The following MATR3 variants were observed in gnomAD, a reference collection of about 807,000 sequenced individuals.
MATR3 encodes matrin-3.
Under a neutral mutation model 85.5 loss-of-function variants are expected in MATR3, and 4 were observed. That is an observed-to-expected ratio of 0.05 (90% CI 0.02 to 0.11). The LOEUF is 0.11. Ranked by LOEUF, MATR3 falls within the 10% of genes least tolerant of loss-of-function variation. The pLI, the probability that MATR3 is intolerant of heterozygous loss-of-function variation, is 1.00. For synonymous variants in MATR3, 336 were observed against 343.1 expected (o/e 0.98, Z 0.23); for missense variants, 685 against 1,016.1 (o/e 0.67, Z 4.43).
intron 14 of MATR3, 105 bp from the exon 15 acceptor site, chr5:139,329,240 G>GT: frequency 1.2e-6 from 1 of 813,602 alleles, no homozygotes; most frequent in East Asian, 2.5e-5. Context: ...CAAAATTATA[G>GT]TTTAAGTCCC....
chr5:139,278,737 C>CT (rs1487891068), intron 2 of MATR3: 6 of 494,472 alleles, frequency 1.2e-5, no homozygotes, highest in Non-Finnish European at 2.1e-5. Context: ...CCTGGAGTGC[C>CT]TAGGTATCTG....
At chr5:139,327,482 C>T (rs769367213) in intron 14 of MATR3, among the ~76,000 whole-genome samples, 30 of 152,066 alleles carry the variant, frequency 2.0e-4, no homozygotes, top group Non-Finnish European at 3.2e-4. Context: ...AGTGCAATGG[C>T]GCGATTTTGG....
intron 14 of MATR3, among the ~76,000 whole-genome samples, chr5:139,328,179 A>T (rs973901760): frequency 2.3e-3 from 320 of 137,788 alleles, no homozygotes; most frequent in African/African-American, 7.4e-3. Context: ...TCCTTTTATT[A>T]AAAAAAAAAA....
At chr5:139,320,715 ACACTATTTT>A (rs1205342939) in intron 9 of MATR3, among the ~76,000 whole-genome samples, 3 of 148,652 alleles carry the variant, frequency 2.0e-5, no homozygotes, top group Non-Finnish European at 3.0e-5. Flanking sequence ...TATTTTTCTT[ACACTATTTT>A]AATATCTTAA....
At chr5:139,279,187 T>G in intron 3 of MATR3, 1 of 452,872 alleles carries the variant, frequency 2.2e-6, no homozygotes, top group Non-Finnish European at 4.4e-6. Context: ...CAGATGGGGG[T>G]AGGGGACTTA....
chr5:139,275,136 C>T (rs1425068258), intron 1 of MATR3, among the ~76,000 whole-genome samples: 1 of 131,616 alleles, frequency 7.6e-6, no homozygotes, highest in East Asian at 2.2e-4. Flanking sequence ...CCACCACGCC[C>T]GGCTAATTTT....
chr5:139,315,389 T>C (rs1755191238), intron 3 of MATR3: 1 of 321,610 alleles, frequency 3.1e-6, no homozygotes, highest in Non-Finnish European at 5.9e-6. Flanking sequence ...CTTGTTTCTA[T>C]GTAACCCACA....
At chr5:139,317,751 T>A in intron 7 of MATR3, 30 bp downstream of exon 7, 1 of 1,517,592 alleles carries the variant, frequency 6.6e-7, no homozygotes, top group Non-Finnish European at 9.1e-7. Flanking sequence ...TATTATTCAT[T>A]TATTCATGCC....
In MATR3 at chr5:139,326,144, T is replaced by C. The variant is rs1253820526; in HGVS notation, c.2372-19T>C. 2.5e-6 allele frequency: 4 copies of C among 1,571,892 alleles called. No homozygotes were observed. Among genetic ancestry groups the C allele is most frequent in the South Asian group, 1.1e-5 (1 of 89,750 alleles). ...AAATCTTCAGTTTAATTTGTAAGAA[T>C]GTATGTTTGTATTTCTAGGTATAGA... On this transcript the variant is annotated intron_variant, in intron 13 of 14. Transcript: ENST00000394805.
intron 1 of MATR3, among the ~76,000 whole-genome samples, chr5:139,304,242 C>T (rs1754597677): frequency 6.6e-6 from 1 of 152,084 alleles, no homozygotes; most frequent in African/African-American, 2.4e-5. Context: ...CGTGGTGGCT[C>T]ATGCCTATAT....
chr5:139,317,562 CTTAATTGCT>C (rs1165634166), intron 6 of MATR3, 25 bp from the exon 7 acceptor site: 1 of 1,609,854 alleles, frequency 6.2e-7, no homozygotes, highest in East Asian at 2.2e-5. Flanking sequence ...TTTAAAGAGA[CTTAATTGCT>C]TGGTTTTTTT....
intron 3 of MATR3, among the ~76,000 whole-genome samples, chr5:139,285,484 G>T (rs1343965879): frequency 6.6e-6 from 1 of 152,120 alleles, no homozygotes. Flanking sequence ...GCCAGAATAA[G>T]AATTTCAAGA....
At chr5:139,294,038 C>G in intron 1 of MATR3, 4 of 1,275,836 alleles carry the variant, frequency 3.1e-6, no homozygotes, top group Non-Finnish European at 4.0e-6. Flanking sequence ...GGTGAGCGGT[C>G]CGGGAGGGAA....
chr5:139,306,399 G>T (rs1265186606), intron 1 of MATR3, among the ~76,000 whole-genome samples: 1 of 152,098 alleles, frequency 6.6e-6, no homozygotes, highest in Non-Finnish European at 1.5e-5. Flanking sequence ...ATGTGCTGTA[G>T]CCCTGAGCAT....
intron 1 of MATR3, among the ~76,000 whole-genome samples, chr5:139,299,663 A>AG (rs1235909292): frequency 6.6e-6 from 1 of 152,208 alleles, no homozygotes; most frequent in African/African-American, 2.4e-5. Context: ...GTCTTGAAAA[A>AG]GGAAATCGTA....
In MATR3 at chr5:139,317,634, A is replaced by C; in HGVS notation, c.1221A>C (p.Arg407=). The C allele has an allele frequency of 6.2e-7, 1 of 1,611,906 alleles. No individual in the cohort carries two copies. Among genetic ancestry groups the C allele is most frequent in the Non-Finnish European group, 8.5e-7 (1 of 1,179,836 alleles). ...SRVVHIMDFQ[R]GKNLRYQLLQ... is the part of the protein sequence containing the mutation. ...TTGTTCACATCATGGATTTTCAACG[A>C]GGGAAAAACTTGAGATACCAGCTAT... is the stretch of plus-strand genomic sequence containing the variant. Residue 407 remains arginine, a synonymous_variant, in exon 7 of 15, where the codon CGA becomes CGC. Coordinates refer to ENST00000394805, the MANE Select transcript of MATR3 (RefSeq NM_018834.6).
At chr5:139,279,820 G>A (rs1753449042) in intron 3 of MATR3, 1 of 152,242 alleles carries the variant, frequency 6.6e-6, no homozygotes, top group Admixed American at 6.5e-5. Context: ...GAATTTTAGA[G>A]AATTCTTAGG....
chr5:139,275,078 C>T (rs1462914839), intron 1 of MATR3, among the ~76,000 whole-genome samples: 1 of 151,022 alleles, frequency 6.6e-6, no homozygotes, highest in Non-Finnish European at 1.5e-5. Context: ...TGGGTTCATG[C>T]CATTCTCCTG....
At position 139,307,656 on chromosome 5, in the gene MATR3, C is replaced by T. The variant is rs1468627549; in HGVS notation, c.241C>T (p.His81Tyr). Residue 81 changes from histidine to tyrosine, a missense_variant, in exon 2 of 15, where the codon CAT becomes TAT. Physicochemically the swap from His to Tyr is moderately conservative, Grantham distance 83. Around this residue, in one of 9 missense-constraint regions of MATR3, gnomAD observed 57 missense variants for 68.6 expected, o/e 0.83. Coordinates refer to ENST00000394805, the MANE Select transcript of MATR3 (RefSeq NM_018834.6). This position sits in a 1 kb window ranked among gnomAD's most constrained non-coding sequence, Gnocchi z 4.4. ...ACTGTCTTCTGCTAGTACTTCTTCCCATAATTTGCAGTCTATATTTAACAT... is the reference window on the plus strand; with the variant it reads ...ACTGTCTTCTGCTAGTACTTCTTCCTATAATTTGCAGTCTATATTTAACAT... ...SALSSASTSS[H>Y]NLQSIFNIGS... is the part of the protein sequence containing the mutation. 1 of 1,613,984 alleles carries T rather than the reference C, an allele frequency of 6.2e-7. No individual in the cohort carries two copies. Among genetic ancestry groups the T allele is most frequent in the Non-Finnish European group, 8.5e-7 (1 of 1,180,020 alleles).
Sources: allele counts gnomAD v4.1 joint callset (sites outside exome capture counted in the v4.1 genomes callset), GRCh38; gene constraint gnomAD v4.1.1; regional missense constraint gnomAD v4.1.1; non-coding constraint Gnocchi (gnomAD v3.1); transcripts MANE v1.5; gene names NCBI Gene and HGNC (gene_info 2026-07-23, HGNC 2026-07-21).